The following ZNF816 variants were observed in gnomAD, a reference collection of about 807,000 sequenced individuals.
ZNF816 encodes zinc finger protein 816A.
A neutral mutation model predicts 8.3 loss-of-function variants in ZNF816; 11 were observed. The ratio of observed to expected loss-of-function variants is 1.32; its 90% confidence interval spans 0.83 to 2.19. ZNF816 has a LOEUF of 2.19. ZNF816 is among the 30% of genes most tolerant of loss of function. The pLI, the probability that ZNF816 is intolerant of heterozygous loss-of-function variation, is 0.00. For missense variants in ZNF816, 710 were observed against 779.3 expected, an observed-to-expected ratio of 0.91 and a Z score of 1.06; for synonymous variants, 255 against 254.5, an observed-to-expected ratio of 1.00 and a Z score of -0.02.
intron 2 of ZNF816, among the ~76,000 whole-genome samples, chr19:52,953,554 ATATAATATG>A (rs2083482386): frequency 2.1e-5 from 1 of 46,624 alleles, no homozygotes; most frequent in African/African-American, 4.1e-4. Flanking sequence ...ACAATATTAT[ATATAATATG>A]TATTTATAAA....
intron 1 of ZNF816, among the ~76,000 whole-genome samples, chr19:52,956,868 G>A (rs1304528282): frequency 6.6e-6 from 1 of 152,166 alleles, no homozygotes; most frequent in African/African-American, 2.4e-5. Flanking sequence ...CTACCACCTG[G>A]CCCCGGTGGT....
chr19:52,956,444 A>T (rs998655162), intron 1 of ZNF816, among the ~76,000 whole-genome samples: 1 of 152,230 alleles, frequency 6.6e-6, no homozygotes, highest in Non-Finnish European at 1.5e-5. Context: ...CTCAACATGG[A>T]GGAAACTTCC....
chr19:52,959,212 G>A (rs546983846), intron 1 of ZNF816, among the ~76,000 whole-genome samples: 1 of 152,224 alleles, frequency 6.6e-6, no homozygotes, highest in African/African-American at 2.4e-5. Context: ...ATGCTGTGGT[G>A]ACTTTAATGA....
intron 1 of ZNF816, among the ~76,000 whole-genome samples, chr19:52,961,390 A>G (rs1169329355): frequency 6.6e-6 from 1 of 152,236 alleles, no homozygotes; most frequent in East Asian, 1.9e-4. Flanking sequence ...GGAGCTGCAC[A>G]GTAGAAAATA....
rs1212911405 is a variant in ZNF816, at chr19:52,955,507, G to A, written c.63+520C>T. 2.6e-5 allele frequency among the ~76,000 whole-genome samples: 4 copies of A among 152,356 alleles called. No homozygotes were observed. In the East Asian group the frequency reaches 5.8e-4, roughly 22 times the overall value. ...ATTGCACTCCAGACTGGGCCCCAGAGTGACACCGTGTCTCTTAAAACAAAA... is the reference window on the plus strand; with the variant it reads ...ATTGCACTCCAGACTGGGCCCCAGAATGACACCGTGTCTCTTAAAACAAAA... On this transcript the variant is annotated intron_variant, in intron 2 of 3. Transcript: ENST00000444460.
At chr19:52,959,879 C>G (rs1434915540) in intron 1 of ZNF816, 1 of 152,532 alleles carries the variant, frequency 6.6e-6, no homozygotes, top group Non-Finnish European at 1.5e-5. Context: ...AACATCCACA[C>G]CCTACTGGGC....
intron 1 of ZNF816, chr19:52,960,275 G>T: frequency 3.7e-6 from 1 of 267,356 alleles, no homozygotes; most frequent in Non-Finnish European, 7.4e-6. Flanking sequence ...GGACTTCACA[G>T]AAATGCCAAA....
chr19:52,958,191 C>G (rs2083526516), intron 1 of ZNF816, among the ~76,000 whole-genome samples: 1 of 152,154 alleles, frequency 6.6e-6, no homozygotes, highest in South Asian at 2.1e-4. Flanking sequence ...CTGCCTGTTC[C>G]CACGCCAGGG....
At position 52,957,620 on chromosome 19, in the gene ZNF816, G is replaced by C. The variant is rs1452489272; in HGVS notation, c.-15-1516C>G. ...GACATTGATTTTCGTATTGATACCA[G>C]TGCTGAACATTCAGTAGTAACCGCC... is the stretch of plus-strand genomic sequence containing the variant. On this transcript the variant is annotated intron_variant, in intron 1 of 3. Coordinates refer to ENST00000444460, the MANE Select transcript of ZNF816 (RefSeq NM_001202457.3). This position sits in a 1 kb window ranked among gnomAD's most constrained non-coding sequence, Gnocchi z 4.6. Among the ~76,000 whole-genome samples, 1 of 152,204 alleles carries C rather than the reference G, an allele frequency of 6.6e-6. No individual in the cohort carries two copies. Among genetic ancestry groups the C allele is most frequent in the Non-Finnish European group, 1.5e-5 (1 of 68,042 alleles).
rs924605940 is a variant in ZNF816, at chr19:52,957,009, C to T, written c.-15-905G>A. On this transcript the variant is annotated intron_variant, in intron 1 of 3. Transcript: ENST00000444460. This position sits in a 1 kb window ranked among gnomAD's most constrained non-coding sequence, Gnocchi z 4.6. Reference sequence around the variant, plus strand: ...ATGCACGTAGTGTCAAGTCACATTCCCCACACTTGCTTGATCTATCATGAC... The same window carrying T: ...ATGCACGTAGTGTCAAGTCACATTCTCCACACTTGCTTGATCTATCATGAC... Among the ~76,000 whole-genome samples, 2 of 152,176 alleles carry T rather than the reference C, an allele frequency of 1.3e-5. No homozygotes were observed. The highest frequency in any genetic ancestry group is 4.8e-5 in the African/African-American group (2 of 41,432).
At chr19:52,956,433 T>A (rs1043552658) in intron 1 of ZNF816, among the ~76,000 whole-genome samples, 3 of 152,162 alleles carry the variant, frequency 2.0e-5, no homozygotes, top group Non-Finnish European at 4.4e-5. Context: ...TGATCTCAGC[T>A]CTCAACATGG....
In ZNF816 at chr19:52,956,027, C is replaced by T; in HGVS notation, c.63G>A (p.Gln21=). Residue 21 remains glutamine, a splice_region_variant and synonymous_variant, in exon 2 of 4, where the codon CAG becomes CAA. Transcript: ENST00000444460. ...GAATCCACCAAGGAATATCACTTACCTGAGGAAGAGCCATCCCTGGCTCCT... is the reference window on the plus strand; with the variant it reads ...GAATCCACCAAGGAATATCACTTACTTGAGGAAGAGCCATCCCTGGCTCCT... The part of the protein sequence containing the change: ...KEKEPGMALP[Q]GRLTFRDVAI... 1 of 1,609,502 alleles carries T rather than the reference C, an allele frequency of 6.2e-7. No individual in the cohort carries two copies. The highest frequency in any genetic ancestry group is 8.5e-7 in the Non-Finnish European group (1 of 1,178,756).
At chr19:52,958,902 C>A (rs2083532859) in intron 1 of ZNF816, among the ~76,000 whole-genome samples, 2 of 152,170 alleles carry the variant, frequency 1.3e-5, no homozygotes, top group Non-Finnish European at 2.9e-5. Flanking sequence ...GAACGGAGAT[C>A]CCAACAACAG....
At chr19:52,953,727 A>T in intron 2 of ZNF816, among the ~76,000 whole-genome samples, 1 of 130,686 alleles carries the variant, frequency 7.7e-6, no homozygotes, top group Admixed American at 8.3e-5. Flanking sequence ...AAATATATAT[A>T]ATATATATTT....
chr19:52,954,870 G>T (rs1046231691), intron 2 of ZNF816, among the ~76,000 whole-genome samples: 5 of 147,280 alleles, frequency 3.4e-5, no homozygotes, highest in Non-Finnish European at 4.5e-5. Context: ...ATCTCATAAC[G>T]GTATATGAAT....
chr19:52,951,889 A>T (rs1183835698), intron 3 of ZNF816: 1 of 415,192 alleles, frequency 2.4e-6, no homozygotes, highest in Non-Finnish European at 4.2e-6. Flanking sequence ...CAAGAGCAAA[A>T]TTCTGTGTAG....
intron 1 of ZNF816, chr19:52,956,342 A>G (rs1448848972): frequency 2.4e-6 from 1 of 424,470 alleles, no homozygotes. Flanking sequence ...GCAGCAGGAC[A>G]CAGATCTTCA....
chr19:52,959,254 T>C lies in ZNF816; in HGVS notation c.-15-3150A>G, dbSNP rs140190373. On this transcript the variant is annotated intron_variant, in intron 1 of 3. Coordinates refer to ENST00000444460, the MANE Select transcript of ZNF816 (RefSeq NM_001202457.3). ...AAAGACATCATTGGCTAATGAATGCTAGACTAAACAAGTACCAAAGCTTGC... is the reference window on the plus strand; with the variant it reads ...AAAGACATCATTGGCTAATGAATGCCAGACTAAACAAGTACCAAAGCTTGC... Among the ~76,000 whole-genome samples, 255 of 152,354 alleles carry C rather than the reference T, an allele frequency of 1.7e-3. 3 individuals are homozygous for C. Among genetic ancestry groups the C allele is most frequent in the East Asian group, 0.014 (74 of 5,188 alleles).
chr19:52,951,486 G>A lies in ZNF816; in HGVS notation c.289C>T (p.His97Tyr), dbSNP rs1426202413. The A allele has an allele frequency of 1.2e-6, 2 of 1,613,808 alleles. No individual in the cohort carries two copies. Among genetic ancestry groups the A allele is most frequent in the African/African-American group, 2.7e-5 (2 of 74,880 alleles). ...TCTGGGAAGCAAAAATCTCCAATGT[G>A]ATGACTTTTATGTCTTTGCAACGTC... ...TGTLQRHKSH[H>Y]IGDFCFPEMK... Residue 97 changes from histidine to tyrosine, a missense_variant, in exon 4 of 4, where the codon CAC becomes TAC. Transcript: ENST00000444460.
Sources: gnomAD v4.1 joint callset for allele counts (sites outside exome capture counted in the v4.1 genomes callset) on GRCh38, gnomAD v4.1.1 for gene constraint, Gnocchi (gnomAD v3.1) non-coding constraint, MANE v1.5 for transcripts, NCBI Gene and HGNC (gene_info 2026-07-23, HGNC 2026-07-21) for gene names.